The following CNTN5 variants were observed in gnomAD, a reference collection of about 807,000 sequenced individuals.
CNTN5 encodes the protein contactin-5.
CNTN5 carries 77 observed loss-of-function variants against 129.1 expected under a neutral mutation model. The observed-to-expected ratio is 0.60, with a 90% CI of 0.50 to 0.72. The LOEUF (loss-of-function observed/expected upper bound fraction) is 0.72. Ranked by LOEUF, CNTN5 falls within the 30% of genes least tolerant of loss-of-function variation. The probability of loss-of-function intolerance (pLI) is 0.00; values close to 1 mark genes in which losing one functional copy is unlikely to be tolerated. For missense variants in CNTN5, 1,478 were observed against 1,328.8 expected, an observed-to-expected ratio of 1.11 and a Z score of -1.75; for synonymous variants, 509 against 465.6, an observed-to-expected ratio of 1.09 and a Z score of -1.20.
intron 3 of CNTN5, among the ~76,000 whole-genome samples, chr11:99,737,121 T>C (rs1241676231): frequency 1.3e-5 from 2 of 151,290 alleles, no homozygotes; most frequent in African/African-American, 2.4e-5. Context: ...AACCACCCTG[T>C]AACACACATG....
intron 3 of CNTN5, among the ~76,000 whole-genome samples, chr11:99,804,165 A>G (rs1013981945): frequency 4.1e-4 from 63 of 152,238 alleles, no homozygotes; most frequent in African/African-American, 1.5e-3. Context: ...GAATAAAAAT[A>G]ATTTATAAAA....
At chr11:99,307,288 AT>A (rs575617274) in intron 1 of CNTN5, among the ~76,000 whole-genome samples, 2 of 151,300 alleles carry the variant, frequency 1.3e-5, no homozygotes, top group African/African-American at 2.4e-5. Flanking sequence ...GTCTCACAGT[AT>A]TTTTTTTTCT....
At chr11:99,815,187 A>C (rs1946544123) in intron 3 of CNTN5, among the ~76,000 whole-genome samples, 1 of 151,092 alleles carries the variant, frequency 6.6e-6, no homozygotes, top group Admixed American at 6.6e-5. Flanking sequence ...ACAGAAAAAC[A>C]CACTTAAATG....
chr11:99,066,883 C>A (rs143534854), intron 1 of CNTN5, among the ~76,000 whole-genome samples: 1 of 152,082 alleles, frequency 6.6e-6, no homozygotes, highest in African/African-American at 2.4e-5. Context: ...ATGGTGACTG[C>A]GATTCAAGGG....
intron 10 of CNTN5, among the ~76,000 whole-genome samples, chr11:100,065,285 A>G (rs1240561509): frequency 1.3e-5 from 2 of 151,924 alleles, no homozygotes; most frequent in African/African-American, 2.4e-5. Context: ...AAAATAGTCT[A>G]CTTTTTTTTT....
At chr11:99,321,558 T>C (rs1310748980) in intron 1 of CNTN5, among the ~76,000 whole-genome samples, 2 of 152,124 alleles carry the variant, frequency 1.3e-5, no homozygotes, top group Non-Finnish European at 2.9e-5. Context: ...ATCAGTTCTA[T>C]GTAATGTTAT....
chr11:100,355,707 C>T (rs1952506972), intron 24 of CNTN5, among the ~76,000 whole-genome samples: 5 of 151,636 alleles, frequency 3.3e-5, no homozygotes, highest in Admixed American at 3.3e-4. Context: ...ATATGTAGTC[C>T]ATGGTGGACT....
chr11:99,062,080 A>C (rs984277813), intron 1 of CNTN5, among the ~76,000 whole-genome samples: 2 of 152,122 alleles, frequency 1.3e-5, no homozygotes, highest in Non-Finnish European at 2.9e-5. Flanking sequence ...TCAGTTGGAG[A>C]ACTTAGGAAG....
intron 6 of CNTN5, among the ~76,000 whole-genome samples, chr11:99,912,397 G>A (rs923713989): frequency 6.6e-6 from 1 of 151,934 alleles, no homozygotes; most frequent in East Asian, 1.9e-4. Context: ...ACTCCTGTGA[G>A]CTATGAAAAG....
intron 1 of CNTN5, among the ~76,000 whole-genome samples, chr11:99,130,403 A>G (rs982310730): frequency 1.3e-5 from 2 of 152,236 alleles, no homozygotes; most frequent in African/African-American, 2.4e-5. Context: ...TTAATTCAAC[A>G]AGAAAAGCTA....
intron 3 of CNTN5, among the ~76,000 whole-genome samples, chr11:99,650,554 T>C (rs1405428157): frequency 2.6e-5 from 4 of 151,924 alleles, no homozygotes; most frequent in Non-Finnish European, 5.9e-5. Context: ...ACTTTCATTT[T>C]TGTTCTTTCC....
intron 1 of CNTN5, among the ~76,000 whole-genome samples, chr11:99,083,480 G>A (rs1591163641): frequency 6.6e-6 from 1 of 151,976 alleles, no homozygotes; most frequent in Non-Finnish European, 1.5e-5. Context: ...CCAACTCTCA[G>A]GCTTAAAATG....
intron 3 of CNTN5, among the ~76,000 whole-genome samples, chr11:99,567,762 C>T (rs1949053928): frequency 6.6e-6 from 1 of 152,122 alleles, no homozygotes; most frequent in Non-Finnish European, 1.5e-5. Context: ...TGGAGACTAC[C>T]TCTGTGTGGA....
chr11:100,053,894 C>T (rs1043413693), intron 9 of CNTN5, among the ~76,000 whole-genome samples: 3 of 151,588 alleles, frequency 2.0e-5, no homozygotes, highest in African/African-American at 7.3e-5. Context: ...AATTAACTAC[C>T]GATGTGCACA....
rs369401868 is a variant in CNTN5 at position 99,588,715 on chromosome 11, C to CTGA, written c.55+32447_55+32449dup. 1.7e-3 allele frequency among the ~76,000 whole-genome samples: 263 copies of CTGA among 152,250 alleles called. 2 individuals carry two copies. The highest frequency in any genetic ancestry group is 5.9e-3 in the African/African-American group (245 of 41,558). Reference sequence around the variant, plus strand: ...TAGCAGTTGACATCTGGGCTAACATCTGACCTGTATTTACCTTCAGAAATC... The same window carrying CTGA: ...TAGCAGTTGACATCTGGGCTAACATCTGATGACCTGTATTTACCTTCAGAAATC... On this transcript the variant is annotated intron_variant, in intron 3 of 24. Coordinates refer to ENST00000524871, the MANE Select transcript of CNTN5 (RefSeq NM_014361.4).
chr11:99,799,329 T>C (rs1221344257), intron 3 of CNTN5, among the ~76,000 whole-genome samples: 1 of 151,732 alleles, frequency 6.6e-6, no homozygotes, highest in East Asian at 1.9e-4. Context: ...TTTATCTCAG[T>C]TCTCAAGGGG....
chr11:99,510,975 G>A (rs978905594), intron 2 of CNTN5, among the ~76,000 whole-genome samples: 19 of 152,098 alleles, frequency 1.2e-4, no homozygotes, highest in Non-Finnish European at 1.6e-4. Flanking sequence ...GGAACAAGAT[G>A]TAAAGGGGCA....
chr11:100,284,012 T>G (rs890707578), intron 18 of CNTN5, among the ~76,000 whole-genome samples: 4 of 152,170 alleles, frequency 2.6e-5, no homozygotes, highest in African/African-American at 9.7e-5. Flanking sequence ...CAGCTGAATT[T>G]GGTCTGGTTT....
intron 2 of CNTN5, among the ~76,000 whole-genome samples, chr11:99,488,003 C>T (rs1945882835): frequency 6.6e-6 from 1 of 151,936 alleles, no homozygotes; most frequent in Admixed American, 6.6e-5. Flanking sequence ...GTATTTAATC[C>T]TACAATAATA....
Sources: allele counts gnomAD v4.1 joint callset (sites outside exome capture counted in the v4.1 genomes callset), GRCh38; gene constraint gnomAD v4.1.1; transcripts MANE v1.5; gene names NCBI Gene and HGNC (gene_info 2026-07-23, HGNC 2026-07-21).